Variants in ANKS1B observed in about 807,000 individuals in gnomAD.
ANKS1B encodes ankyrin repeat and sterile alpha motif domain containing 1B, also known as ankyrin repeat and sterile alpha motif domain-containing protein 1B.
Under a neutral mutation model 148.3 loss-of-function variants are expected in ANKS1B, and 36 were observed. That is an observed-to-expected ratio of 0.24 (90% CI 0.19 to 0.32). ANKS1B has a LOEUF of 0.32. ANKS1B is among the 10% of genes least tolerant of loss of function. The pLI is 1.00. For missense variants in ANKS1B, 1,157 were observed against 1,542.6 expected (o/e 0.75, Z 4.19); for synonymous variants, 542 against 560.8 (o/e 0.97, Z 0.47).
intron 11 of ANKS1B, among the ~76,000 whole-genome samples, chr12:99,432,321 T>G (rs562441306): frequency 6.6e-6 from 1 of 152,330 alleles, no homozygotes; most frequent in Admixed American, 6.5e-5. Flanking sequence ...TAAAGGTCAC[T>G]TTGAGCATTT....
chr12:99,100,851 C>T (rs1028401728), intron 15 of ANKS1B, among the ~76,000 whole-genome samples: 1 of 152,146 alleles, frequency 6.6e-6, no homozygotes, highest in African/African-American at 2.4e-5. Flanking sequence ...TTTTTTGATG[C>T]AGCACATACA....
intron 17 of ANKS1B, among the ~76,000 whole-genome samples, chr12:98,837,969 A>G (rs1193153717): frequency 1.3e-5 from 2 of 152,186 alleles, no homozygotes; most frequent in African/African-American, 4.8e-5. Flanking sequence ...TCCACAAACT[A>G]TATCTAAATA....
At chr12:99,518,574 T>G (rs931483032) in intron 9 of ANKS1B, among the ~76,000 whole-genome samples, 1 of 152,116 alleles carries the variant, frequency 6.6e-6, no homozygotes, top group Non-Finnish European at 1.5e-5. Flanking sequence ...TTTTCATCTC[T>G]GAATTTATTT....
chr12:99,591,161 G>C (rs771032514), intron 9 of ANKS1B, among the ~76,000 whole-genome samples: 2 of 152,046 alleles, frequency 1.3e-5, no homozygotes, highest in East Asian at 3.9e-4. Flanking sequence ...CTGGTGGCTA[G>C]TTTTTGTTCC....
chr12:99,557,973 C>A (rs191081235), intron 9 of ANKS1B, among the ~76,000 whole-genome samples: 3 of 152,264 alleles, frequency 2.0e-5, no homozygotes, highest in Non-Finnish European at 2.9e-5. Flanking sequence ...CTCTTATGGG[C>A]GTTTACCATG....
chr12:99,285,729 T>C (rs1010573218), intron 12 of ANKS1B, among the ~76,000 whole-genome samples: 2 of 152,036 alleles, frequency 1.3e-5, no homozygotes, highest in African/African-American at 2.4e-5. Context: ...CTGTGTGGCA[T>C]GGAGAGAGAA....
intron 17 of ANKS1B, among the ~76,000 whole-genome samples, chr12:98,973,606 C>T (rs901898124): frequency 2.6e-5 from 4 of 152,166 alleles, no homozygotes; most frequent in Non-Finnish European, 5.9e-5. Flanking sequence ...TGAGTCATCC[C>T]TTTGTCTAGT....
At chr12:99,115,737 C>G (rs1458335205) in intron 15 of ANKS1B, among the ~76,000 whole-genome samples, 1 of 151,978 alleles carries the variant, frequency 6.6e-6, no homozygotes, top group Admixed American at 6.6e-5. Context: ...TTGAGACCAG[C>G]CTGACTAACA....
At chr12:99,635,757 G>A (rs765330899) in intron 9 of ANKS1B, among the ~76,000 whole-genome samples, 12 of 151,996 alleles carry the variant, frequency 7.9e-5, no homozygotes, top group Admixed American at 2.6e-4. Flanking sequence ...TCTATGTTAC[G>A]TGTATCTTCA....
intron 9 of ANKS1B, among the ~76,000 whole-genome samples, chr12:99,537,215 A>G (rs971404775): frequency 3.3e-5 from 5 of 152,198 alleles, no homozygotes; most frequent in African/African-American, 1.2e-4. Context: ...CAGTGCTACA[A>G]TAAACATAGG....
At chr12:98,832,789 AAGC>A (rs1468765033) in intron 17 of ANKS1B, among the ~76,000 whole-genome samples, 1 of 151,888 alleles carries the variant, frequency 6.6e-6, no homozygotes, top group Non-Finnish European at 1.5e-5. Flanking sequence ...CACACTCTAA[AAGC>A]ACTTTCTTTA....
At chr12:99,441,401 C>G (rs906031537) in intron 11 of ANKS1B, among the ~76,000 whole-genome samples, 1 of 151,792 alleles carries the variant, frequency 6.6e-6, no homozygotes, top group Non-Finnish European at 1.5e-5. Flanking sequence ...TACCTGAATA[C>G]TCTCTCATAA....
intron 17 of ANKS1B, among the ~76,000 whole-genome samples, chr12:98,952,294 G>T (rs574137848): frequency 6.6e-6 from 1 of 152,218 alleles, no homozygotes; most frequent in Non-Finnish European, 1.5e-5. Flanking sequence ...CACAGAGCAG[G>T]CAGGTAACAA....
At chr12:99,695,645 C>T (rs924187062) in intron 8 of ANKS1B, among the ~76,000 whole-genome samples, 1 of 152,020 alleles carries the variant, frequency 6.6e-6, no homozygotes, top group African/African-American at 2.4e-5. Flanking sequence ...AACCAAACAC[C>T]GCATGTTCTC....
At chr12:99,262,422 A>G (rs1398918017) in intron 12 of ANKS1B, among the ~76,000 whole-genome samples, 2 of 152,068 alleles carry the variant, frequency 1.3e-5, no homozygotes, top group East Asian at 3.8e-4. Flanking sequence ...GAAAAATTCA[A>G]GAGTGATATC....
intron 9 of ANKS1B, among the ~76,000 whole-genome samples, chr12:99,628,888 C>T (rs60941958): frequency 0.1 from 15,555 of 152,126 alleles, 1,355 homozygotes; most frequent in East Asian, 0.23. Context: ...TCTTAATGGT[C>T]CCACCTCTTA....
chr12:98,926,234 T>C (rs2099807975), intron 17 of ANKS1B, among the ~76,000 whole-genome samples: 1 of 152,184 alleles, frequency 6.6e-6, no homozygotes, highest in African/African-American at 2.4e-5. Flanking sequence ...CTGGGAGACT[T>C]ACTGGCTCAA....
intron 8 of ANKS1B, among the ~76,000 whole-genome samples, chr12:99,749,626 A>T (rs2153592719): frequency 6.6e-6 from 1 of 152,172 alleles, no homozygotes; most frequent in Non-Finnish European, 1.5e-5. Context: ...CTAAATATGG[A>T]TATATGGGTG....
chr12:99,154,736 G>C (rs972012691), intron 14 of ANKS1B: 1 of 1,439,574 alleles, frequency 6.9e-7, no homozygotes, highest in African/African-American at 1.4e-5. Context: ...CGTTCTATGT[G>C]ATTGTTGGAG....
Sources: allele counts gnomAD v4.1 joint callset (sites outside exome capture counted in the v4.1 genomes callset), GRCh38; gene constraint gnomAD v4.1.1; transcripts MANE v1.5; gene names NCBI Gene and HGNC (gene_info 2026-07-23, HGNC 2026-07-21).